Variants in ALPK1 observed in about 807,000 individuals in gnomAD.
ALPK1 encodes alpha kinase 1, also known as alpha-protein kinase 1.
In ALPK1, 110 loss-of-function variants were observed where a neutral mutation model predicts 120.6. The ratio of observed to expected loss-of-function variants is 0.91; its 90% confidence interval spans 0.78 to 1.07. ALPK1 has a LOEUF of 1.07. Ranked by LOEUF, ALPK1 falls within the 50% of genes least tolerant of loss-of-function variation. The probability of loss-of-function intolerance (pLI) is 0.00; values close to 1 mark genes in which losing one functional copy is unlikely to be tolerated. For missense variants in ALPK1, 1,498 were observed against 1,483.9 expected (o/e 1.01, Z -0.16); for synonymous variants, 582 against 560.3 (o/e 1.04, Z -0.55).
rs1293661453 is a variant in ALPK1, at chr4:112,377,918, C to T, written c.121+20C>T. Reference sequence around the variant, plus strand: ...GCAGAGGTGAGGTTCTGATGGGAGGCACCAGGGGTGAACCAGCAGGTTCAC... The same window carrying T: ...GCAGAGGTGAGGTTCTGATGGGAGGTACCAGGGGTGAACCAGCAGGTTCAC... On this transcript the variant is annotated intron_variant, in intron 3 of 15. Coordinates refer to ENST00000650871, the MANE Select transcript of ALPK1 (RefSeq NM_025144.4). The T allele has an allele frequency of 6.9e-6, 11 of 1,588,772 alleles. No individual in the cohort carries two copies. The highest frequency in any genetic ancestry group is 9.5e-6 in the Non-Finnish European group (11 of 1,162,862).
At position 112,441,366 on chromosome 4, in the gene ALPK1, T is replaced by C; in HGVS notation, c.*156T>C. 1.4e-6 allele frequency: 1 copy of C among 734,586 alleles called. No individual in the cohort carries two copies. 45.5% of individuals were successfully genotyped at this position (734,586 alleles called of 1,614,324 possible). On this transcript the variant is annotated 3_prime_UTR_variant, in exon 16 of 16. Coordinates refer to ENST00000650871, the MANE Select transcript of ALPK1 (RefSeq NM_025144.4). Reference sequence around the variant, plus strand: ...AGCCTCTTTCCCTCTGCCACAGTTATCAAGAATGGGTCAGGAGACCGCTGC... The same window carrying C: ...AGCCTCTTTCCCTCTGCCACAGTTACCAAGAATGGGTCAGGAGACCGCTGC...
intron 2 of ALPK1, among the ~76,000 whole-genome samples, chr4:112,331,321 G>A (rs1463282364): frequency 2.0e-5 from 3 of 152,062 alleles, no homozygotes; most frequent in Non-Finnish European, 4.4e-5. Context: ...TTTACATGGG[G>A]CACAAGTATT....
intron 5 of ALPK1, among the ~76,000 whole-genome samples, chr4:112,416,394 CTG>C (rs1210411175): frequency 2.6e-5 from 4 of 151,808 alleles, no homozygotes; most frequent in South Asian, 2.1e-4. Flanking sequence ...GAACTGGAAA[CTG>C]TATTTAAAAA....
At chr4:112,317,418 G>T (rs1432553399) in intron 2 of ALPK1, among the ~76,000 whole-genome samples, 1 of 152,040 alleles carries the variant, frequency 6.6e-6, no homozygotes, top group Non-Finnish European at 1.5e-5. Context: ...TTTGTATGTG[G>T]TGTTGTAAAG....
chr4:112,354,208 A>G (rs1730494173), intron 2 of ALPK1, among the ~76,000 whole-genome samples: 1 of 151,200 alleles, frequency 6.6e-6, no homozygotes, highest in Admixed American at 6.6e-5. Flanking sequence ...TTTATCCTTA[A>G]TTACAATATT....
intron 9 of ALPK1, 151 bp downstream of exon 9, chr4:112,427,816 C>G (rs538444321): frequency 1.6e-6 from 1 of 619,066 alleles, no homozygotes; most frequent in African/African-American, 1.8e-5. Flanking sequence ...GGGGAGGAGT[C>G]TTGTGGGGTC....
At chr4:112,438,749 A>G (rs903776327) in intron 13 of ALPK1, 103 bp downstream of exon 13, 12 of 1,330,656 alleles carry the variant, frequency 9.0e-6, no homozygotes, top group Non-Finnish European at 1.3e-5. Flanking sequence ...ATTTTTAGCA[A>G]ACTATCCTTG....
chr4:112,438,043 T>C (rs1416982872), intron 12 of ALPK1, among the ~76,000 whole-genome samples: 1 of 152,226 alleles, frequency 6.6e-6, no homozygotes, highest in Non-Finnish European at 1.5e-5. Flanking sequence ...ATAATAGGTA[T>C]TGACGGATAA....
rs574650752 is a variant in ALPK1, at chr4:112,297,474, G to T, written c.-153+5G>T. 2.4e-4 allele frequency: 36 copies of T among 152,228 alleles called. No homozygotes were observed. Among genetic ancestry groups the T allele is most frequent in the African/African-American group, 8.7e-4 (36 of 41,550 alleles). The allele number at this position is 152,228 out of a possible 1,614,324, so 9.4% of individuals were successfully genotyped here. Reference sequence around the variant, plus strand: ...CTTTTCCTCTTTAAGATAAAAGTGAGTATCATCCTTTAAATGACAAAACGC... The same window carrying T: ...CTTTTCCTCTTTAAGATAAAAGTGATTATCATCCTTTAAATGACAAAACGC... On this transcript the variant is annotated splice_donor_5th_base_variant and intron_variant, in intron 1 of 15. Transcript: ENST00000650871.
At position 112,321,968 on chromosome 4, in the gene ALPK1, G is replaced by T. The variant is rs1728884930; in HGVS notation, c.-101+6116G>T. Among the ~76,000 whole-genome samples the T allele has an allele frequency of 2.0e-5, 3 of 152,146 alleles. No homozygotes were observed. In the South Asian group the frequency reaches 6.2e-4, roughly 32 times the overall value. ...ATTGCTTATACCTGTACTGATAAGT[G>T]CCACCAGTAGAGGGCGGCAGTGAGG... On this transcript the variant is annotated intron_variant, in intron 2 of 15. Transcript: ENST00000650871.
At chr4:112,375,747 A>T (rs1320962311) in intron 2 of ALPK1, among the ~76,000 whole-genome samples, 11 of 142,786 alleles carry the variant, frequency 7.7e-5, no homozygotes, top group East Asian at 6.1e-4. Flanking sequence ...TCTTCAAGAA[A>T]TTTTTTTTTT....
In ALPK1 at chr4:112,432,059, C is replaced by G. The variant is rs777968286; in HGVS notation, c.2512C>G (p.Pro838Ala). 1 of 1,613,972 alleles carries G rather than the reference C, an allele frequency of 6.2e-7. No homozygotes were observed. Among genetic ancestry groups the G allele is most frequent in the Non-Finnish European group, 8.5e-7 (1 of 1,179,934 alleles). Residue 838 changes from proline (P) to alanine (A), a missense_variant, in exon 11 of 16, where the codon CCA becomes GCA. Pro to Ala is a conservative substitution (Grantham distance 27, BLOSUM62 -1). Coordinates refer to ENST00000650871, the MANE Select transcript of ALPK1 (RefSeq NM_025144.4). ...TCCTGACTCCAGAAAAAGTGGTGGC[C>G]CAGTCGCAGAGCAGGGCATCGACCC... ...QNPDSRKSGG[P>A]VAEQGIDPDA...
chr4:112,424,081 T>TATTAAGTCAC, intron 6 of ALPK1, 78 bp downstream of exon 6: 2 of 1,392,460 alleles, frequency 1.4e-6, no homozygotes, highest in Non-Finnish European at 2.0e-6. Context: ...ACTTAGTGAC[T>TATTAAGTCAC]TAATAGTTAC....
At chr4:112,402,912 T>C (rs1732984198) in intron 4 of ALPK1, among the ~76,000 whole-genome samples, 2 of 152,160 alleles carry the variant, frequency 1.3e-5, no homozygotes, top group African/African-American at 4.8e-5. Flanking sequence ...TGATGGCAGG[T>C]CAGTCGTGGG....
intron 2 of ALPK1, among the ~76,000 whole-genome samples, chr4:112,317,556 T>C (rs754399089): frequency 9.2e-5 from 14 of 152,194 alleles, no homozygotes; most frequent in Non-Finnish European, 1.9e-4. Context: ...ACCCTATATA[T>C]GATGGTTTAT....
At position 112,431,150 on chromosome 4, in the gene ALPK1, G is replaced by A. The variant is rs1190976691; in HGVS notation, c.1603G>A (p.Gly535Arg). 5 of 1,614,182 alleles carry A rather than the reference G, an allele frequency of 3.1e-6. No individual in the cohort carries two copies. Among genetic ancestry groups the A allele is most frequent in the Non-Finnish European group, 4.2e-6 (5 of 1,180,046 alleles). Residue 535 changes from glycine (G) to arginine (R), a missense_variant, in exon 11 of 16, where the codon GGA becomes AGA. By Grantham distance (125) the Gly-to-Arg change is moderately radical (BLOSUM62 -2). Coordinates refer to ENST00000650871, the MANE Select transcript of ALPK1 (RefSeq NM_025144.4). ...KNVQRELRRG[G>R]RRNWTHSDAF... The stretch of plus-strand genomic sequence containing the variant: ...TGTTCAGAGGGAACTCAGAAGGGGA[G>A]GAAGGAGAAACTGGACCCATTCTGA...
intron 2 of ALPK1, chr4:112,356,414 T>C: frequency 1.2e-6 from 1 of 861,406 alleles, no homozygotes; most frequent in Non-Finnish European, 2.0e-6. Flanking sequence ...CTGCTGCTGA[T>C]AATGGAGACC....
intron 2 of ALPK1, among the ~76,000 whole-genome samples, chr4:112,318,353 G>C: frequency 6.6e-6 from 1 of 152,282 alleles, no homozygotes; most frequent in East Asian, 1.9e-4. Context: ...TGAGGAAGTG[G>C]TGTTAACTCC....
At chr4:112,374,115 A>C (rs1731542070) in intron 2 of ALPK1, among the ~76,000 whole-genome samples, 1 of 152,206 alleles carries the variant, frequency 6.6e-6, no homozygotes, top group Non-Finnish European at 1.5e-5. Context: ...GATAGCATTC[A>C]CCCATGGTAG....
Sources: allele counts gnomAD v4.1 joint callset (sites outside exome capture counted in the v4.1 genomes callset), GRCh38; gene constraint gnomAD v4.1.1; transcripts MANE v1.5; gene names NCBI Gene and HGNC (gene_info 2026-07-23, HGNC 2026-07-21).